PTPRA: variants seen among roughly 807,000 people sequenced by gnomAD.
PTPRA encodes protein tyrosine phosphatase receptor type A.
A neutral mutation model predicts 104.8 loss-of-function variants in PTPRA; 25 were observed. That is an observed-to-expected ratio of 0.24 (90% confidence interval 0.17 to 0.33). The LOEUF (loss-of-function observed/expected upper bound fraction) is 0.33, where lower values mean the gene tolerates loss of function less well. PTPRA is among the 10% of genes least tolerant of loss of function. PTPRA has a pLI of 1.00. For missense variants in PTPRA, 765 were observed against 1,015.3 expected, an observed-to-expected ratio of 0.75 and a Z score of 3.35; for synonymous variants, 323 against 368.9, an observed-to-expected ratio of 0.88 and a Z score of 1.43.
chr20:3,011,657 A>G (rs1344144709), intron 11 of PTPRA, among the ~76,000 whole-genome samples: 2 of 152,200 alleles, frequency 1.3e-5, no homozygotes, highest in Non-Finnish European at 2.9e-5. Context: ...AGTGGTGGGA[A>G]ATGAGACTTG....
intron 2 of PTPRA, among the ~76,000 whole-genome samples, chr20:2,935,270 C>T (rs1044744992): frequency 6.6e-6 from 1 of 152,064 alleles, no homozygotes; most frequent in African/African-American, 2.4e-5. Flanking sequence ...TGGCTTATTT[C>T]GTTTAACATA....
chr20:2,865,612 GT>G, the PTPRA span: 1 of 914,468 alleles, frequency 1.1e-6, no homozygotes, highest in Non-Finnish European at 1.6e-6. The surrounding 1 kb of genome is among the most constrained non-coding windows in gnomAD (Gnocchi z 5.2). Context: ...TGCCCGCATA[GT>G]TAGCGAGTGC....
chr20:2,892,090 G>C (rs1187180234), intron 1 of PTPRA, among the ~76,000 whole-genome samples: 1 of 151,950 alleles, frequency 6.6e-6, no homozygotes, highest in African/African-American at 2.4e-5. Context: ...AGGAGCTCGA[G>C]ACCAGCCTGG....
chr20:3,007,828 C>G (rs4815555), intron 11 of PTPRA, among the ~76,000 whole-genome samples: 6 of 150,274 alleles, frequency 4.0e-5, no homozygotes, highest in African/African-American at 7.4e-5. Flanking sequence ...GTGTGTGTGT[C>G]TGTGTGTGTG....
intron 2 of PTPRA, among the ~76,000 whole-genome samples, chr20:2,939,479 G>A (rs946075383): frequency 3.3e-5 from 5 of 152,278 alleles, no homozygotes; most frequent in African/African-American, 9.6e-5. Flanking sequence ...AGTGTCTGGT[G>A]AGGAAAAGGA....
At chr20:2,909,974 A>C (rs181787856) in intron 1 of PTPRA, among the ~76,000 whole-genome samples, 1,885 of 111,728 alleles carry the variant, frequency 0.017, 78 homozygotes, top group Admixed American at 0.084. Context: ...ATATATATAT[A>C]ATCTATCATA....
At chr20:2,910,181 A>G (rs1289936259) in intron 1 of PTPRA, among the ~76,000 whole-genome samples, 2 of 106,008 alleles carry the variant, frequency 1.9e-5, no homozygotes, top group Non-Finnish European at 3.6e-5. Context: ...GACGTATAGT[A>G]TATATGATAT....
chr20:3,013,286 C>T (rs1358429433), intron 11 of PTPRA, among the ~76,000 whole-genome samples: 1 of 152,154 alleles, frequency 6.6e-6, no homozygotes, highest in Non-Finnish European at 1.5e-5. Flanking sequence ...ACACATAGGT[C>T]AGCTAACCTA....
At chr20:2,944,921 C>T (rs1049681004) in intron 2 of PTPRA, among the ~76,000 whole-genome samples, 3 of 152,174 alleles carry the variant, frequency 2.0e-5, no homozygotes, top group African/African-American at 7.2e-5. Flanking sequence ...TTTCAGCCTT[C>T]GTCTGTTCTT....
At chr20:2,879,333 GGT>G (rs2089923106) in intron 1 of PTPRA, among the ~76,000 whole-genome samples, 1 of 152,174 alleles carries the variant, frequency 6.6e-6, no homozygotes, top group Non-Finnish European at 1.5e-5. Context: ...GTAGGTTTGG[GGT>G]GGGACTTGGG....
intron 20 of PTPRA, among the ~76,000 whole-genome samples, chr20:3,031,932 A>G (rs767833378): frequency 7.2e-5 from 11 of 152,216 alleles, no homozygotes; most frequent in Admixed American, 5.2e-4. Flanking sequence ...TATAGCAAAC[A>G]TCACTGGGCA....
intron 20 of PTPRA, among the ~76,000 whole-genome samples, chr20:3,028,494 T>G (rs2065258737): frequency 6.6e-6 from 1 of 152,204 alleles, no homozygotes; most frequent in South Asian, 2.1e-4. Context: ...CCTAATATTG[T>G]TCCTGAGTCA....
At chr20:2,911,750 A>G (rs1271103070) in intron 1 of PTPRA, among the ~76,000 whole-genome samples, 5 of 152,162 alleles carry the variant, frequency 3.3e-5, no homozygotes, top group East Asian at 3.8e-4. Context: ...GGATCTAACT[A>G]TGTAAGAGCA....
chr20:2,964,163 T>G, intron 3 of PTPRA, 109 bp from the exon 4 acceptor site: 1 of 872,348 alleles, frequency 1.1e-6, no homozygotes, highest in Non-Finnish European at 1.8e-6. Flanking sequence ...ATCATTGGTT[T>G]AGGCACACAT....
At chr20:3,030,711 A>G (rs536807318) in intron 20 of PTPRA, among the ~76,000 whole-genome samples, 2 of 96,120 alleles carry the variant, frequency 2.1e-5, no homozygotes, top group South Asian at 7.6e-4. Context: ...TTTGAGATGG[A>G]GTCTCACTCT....
intron 13 of PTPRA, among the ~76,000 whole-genome samples, chr20:3,019,856 G>A (rs1407795000): frequency 4.6e-5 from 7 of 152,246 alleles, no homozygotes; most frequent in East Asian, 3.9e-4. Flanking sequence ...CAGATCACTT[G>A]CGGTTAGGAG....
chr20:2,944,839 A>G (rs909920003), intron 2 of PTPRA, among the ~76,000 whole-genome samples: 9 of 151,790 alleles, frequency 5.9e-5, no homozygotes, highest in Non-Finnish European at 1.2e-4. Context: ...TTTCCTTTTT[A>G]TTTATCTGTT....
intron 11 of PTPRA, among the ~76,000 whole-genome samples, chr20:3,014,412 C>T (rs1413196848): frequency 1.3e-5 from 2 of 152,038 alleles, no homozygotes; most frequent in Non-Finnish European, 2.9e-5. Flanking sequence ...CCAAGGTGGG[C>T]GGATCATCTG....
intron 1 of PTPRA, among the ~76,000 whole-genome samples, chr20:2,913,984 T>C (rs768387330): frequency 6.6e-6 from 1 of 152,184 alleles, no homozygotes; most frequent in Non-Finnish European, 1.5e-5. Flanking sequence ...TGACATTTCA[T>C]TGAAAGGAAA....
Sources: allele counts gnomAD v4.1 joint callset (sites outside exome capture counted in the v4.1 genomes callset), GRCh38; gene constraint gnomAD v4.1.1; non-coding constraint Gnocchi (gnomAD v3.1); transcripts MANE v1.5; gene names NCBI Gene and HGNC (gene_info 2026-07-23, HGNC 2026-07-21).